The following FGD5 variants were observed in gnomAD, a reference collection of about 807,000 sequenced individuals.
The protein encoded by FGD5 is FYVE, RhoGEF and PH domain-containing protein 5.
Under a neutral mutation model 133.4 loss-of-function variants are expected in FGD5, and 28 were observed. The ratio of observed to expected loss-of-function variants is 0.21; its 90% CI spans 0.16 to 0.29. The LOEUF (loss-of-function observed/expected upper bound fraction) is 0.29, where lower values mean the gene tolerates loss of function less well. FGD5 is among the 10% of genes least tolerant of loss of function. The probability of loss-of-function intolerance (pLI) is 1.00; values close to 1 mark genes in which losing one functional copy is unlikely to be tolerated. For missense variants in FGD5, 1,858 were observed against 1,895.2 expected (o/e 0.98, Z 0.36); for synonymous variants, 810 against 776.5 (o/e 1.04, Z -0.72).
In FGD5 at chr3:14,820,564, C is replaced by G. The variant is rs761726543; in HGVS notation, c.1493C>G (p.Pro498Arg). ...KVAGYVPETV[P>R]EETGPEAGSS... ...GCCGGCTATGTCCCAGAAACCGTCC[C>G]TGAAGAAACCGGACCTGAGGCGGGC... Residue 498 changes from proline to arginine, a missense_variant, in exon 1 of 20, where the codon CCT (proline) becomes CGT (arginine). By Grantham distance (103) the Pro-to-Arg change is moderately radical. Coordinates refer to ENST00000285046, the MANE Select transcript of FGD5 (RefSeq NM_152536.4). 1 of 1,612,136 alleles carries G rather than the reference C, an allele frequency of 6.2e-7. No individual in the cohort carries two copies. Among genetic ancestry groups the G allele is most frequent in the South Asian group, 1.1e-5 (1 of 90,892 alleles).
chr3:14,862,211 T>C (rs2037412895), intron 1 of FGD5, among the ~76,000 whole-genome samples: 1 of 152,182 alleles, frequency 6.6e-6, no homozygotes, highest in African/African-American at 2.4e-5. Context: ...GCATCCCTCA[T>C]CCTTACTGCT....
intron 7 of FGD5, among the ~76,000 whole-genome samples, chr3:14,899,645 G>T (rs293909): frequency 0.047 from 7,152 of 152,300 alleles, 283 homozygotes; most frequent in East Asian, 0.2. Context: ...TCCCATGCTG[G>T]ATGCTGGAGA....
chr3:14,817,086 A>C (rs73814182), upstream of FGD5, among the ~76,000 whole-genome samples: 7,089 of 152,344 alleles, frequency 0.047, 549 homozygotes, highest in African/African-American at 0.16. Context: ...TGGGACACTT[A>C]GTATGAAAAA....
Position 14,922,919 on chromosome 3 carries a change from C to A in FGD5, c.3808-127C>A. 7.4e-7 allele frequency: 1 copy of A among 1,347,620 alleles called. No homozygotes were observed. The highest frequency in any genetic ancestry group is 1.0e-6 in the Non-Finnish European group (1 of 966,180). 83.5% of individuals were successfully genotyped at this position (1,347,620 alleles called of 1,614,324 possible). ...GAAAAGTAGGGGACACGCACAGCTC[C>A]ATGATCAGAACCTGGGGCTCCCTAG... On this transcript the variant is annotated intron_variant, in intron 15 of 19. Coordinates refer to ENST00000285046, the MANE Select transcript of FGD5 (RefSeq NM_152536.4). This position sits in a 1 kb window ranked among gnomAD's most constrained non-coding sequence, Gnocchi z 4.1.
chr3:14,820,224 G>A lies in FGD5; in HGVS notation c.1153G>A (p.Glu385Lys). The A allele has an allele frequency of 6.2e-7, 1 of 1,608,854 alleles. No homozygotes were observed. Among genetic ancestry groups the A allele is most frequent in the Non-Finnish European group, 8.5e-7 (1 of 1,176,742 alleles). Residue 385 changes from glutamate (E) to lysine (K), a missense_variant, in exon 1 of 20, where the codon GAG becomes AAG. Glu to Lys is a moderately conservative substitution (Grantham distance 56). Around this residue, in one of 3 missense-constraint regions of FGD5, gnomAD observed 1,824 missense variants for 1,848.9 expected, o/e 0.99. Coordinates refer to ENST00000285046, the MANE Select transcript of FGD5 (RefSeq NM_152536.4). The stretch of plus-strand genomic sequence containing the variant: ...GGCACCAAAGCTGGGGCTGCGTGCG[G>A]AGGAGAACCCCATGGTGGGGGCTTT... ...EQAPKLGLRA[E>K]ENPMVGALCG... is the part of the protein sequence containing the mutation.
intron 13 of FGD5, 141 bp from the exon 14 acceptor site, chr3:14,921,777 A>T: frequency 1.4e-6 from 1 of 724,210 alleles, no homozygotes; most frequent in Non-Finnish European, 2.4e-6. Flanking sequence ...CTGGCAGGTG[A>T]TCTCTTCTTT....
chr3:14,859,419 A>C lies in FGD5; in HGVS notation c.2526-4709A>C, dbSNP rs193157041. 5.3e-3 allele frequency among the ~76,000 whole-genome samples: 808 copies of C among 152,186 alleles called. 4 individuals carry two copies. The highest frequency in any genetic ancestry group is 9.5e-3 in the Non-Finnish European group (646 of 67,996). ...TAAAAAATACAAAAATTAGCTGGGC[A>C]TAATGGCTTGCACCTGTAATCCCAG... On this transcript the variant is annotated intron_variant, in intron 1 of 19. Transcript: ENST00000285046.
chr3:14,922,637 C>A lies in FGD5; in HGVS notation c.3807+89C>A. On this transcript the variant is annotated intron_variant, in intron 15 of 19. Transcript: ENST00000285046. The surrounding 1 kb of genome is among the most constrained non-coding windows in gnomAD (Gnocchi z 4.1). Reference sequence around the variant, plus strand: ...GCCCAGCCGGGGGCTCAGGGATGTCCAGCAGCTACTGTAAGCCCCAGAGTG... The same window carrying A: ...GCCCAGCCGGGGGCTCAGGGATGTCAAGCAGCTACTGTAAGCCCCAGAGTG... The A allele has an allele frequency of 6.7e-7, 1 of 1,488,620 alleles. No homozygotes were observed. The highest frequency in any genetic ancestry group is 9.0e-7 in the Non-Finnish European group (1 of 1,114,224). The allele number at this position is 1,488,620 out of a possible 1,614,324, so 92.2% of individuals were successfully genotyped here. A position where few individuals can be genotyped will look rare whatever the true frequency, so the allele number is the denominator to read the frequency against.
At chr3:14,880,458 T>A in intron 2 of FGD5, 114 bp from the exon 3 acceptor site, 1 of 816,372 alleles carries the variant, frequency 1.2e-6, no homozygotes, top group East Asian at 2.7e-5. Context: ...ATACAAGTAA[T>A]GAGTGCCAGG....
chr3:14,880,644 G>T lies in FGD5; in HGVS notation c.2717+14G>T. ...TTCAGAGAAAGCGTGAGTCCCCAAG[G>T]AGCTGCCTGTGGCCTTGAGCTTATA... On this transcript the variant is annotated intron_variant, in intron 3 of 19. Coordinates refer to ENST00000285046, the MANE Select transcript of FGD5 (RefSeq NM_152536.4). 1 of 1,613,994 alleles carries T rather than the reference G, an allele frequency of 6.2e-7. No individual in the cohort carries two copies. Among genetic ancestry groups the T allele is most frequent in the Non-Finnish European group, 8.5e-7 (1 of 1,179,888 alleles).
chr3:14,907,447 G>A (rs890672701), intron 9 of FGD5, among the ~76,000 whole-genome samples, 193 bp from the exon 10 acceptor site: 1 of 152,232 alleles, frequency 6.6e-6, no homozygotes, highest in African/African-American at 2.4e-5. Flanking sequence ...ACAGCACATA[G>A]AGCCATGGTG....
At chr3:14,883,027 G>C (rs1281949414) in intron 4 of FGD5, among the ~76,000 whole-genome samples, 1 of 152,160 alleles carries the variant, frequency 6.6e-6, no homozygotes, top group Non-Finnish European at 1.5e-5. Flanking sequence ...CAGCAGGAAG[G>C]GTCCTGGGTT....
intron 1 of FGD5, among the ~76,000 whole-genome samples, chr3:14,849,021 G>C (rs1411939501): frequency 6.6e-6 from 1 of 152,222 alleles, no homozygotes; most frequent in Non-Finnish European, 1.5e-5. Context: ...TTCTGTGTTT[G>C]GAGTAGAGGA....
chr3:14,869,731 T>C (rs1017040790), intron 2 of FGD5, among the ~76,000 whole-genome samples: 2 of 152,234 alleles, frequency 1.3e-5, no homozygotes, highest in Non-Finnish European at 2.9e-5. Context: ...CTTAGCATAA[T>C]GTCCTCAAGG....
In FGD5 at chr3:14,897,553, T is replaced by C. The variant is rs755447648; in HGVS notation, c.2793T>C (p.His931=). 6.2e-7 allele frequency: 1 copy of C among 1,605,908 alleles called. No homozygotes were observed. Among genetic ancestry groups the C allele is most frequent in the South Asian group, 1.1e-5 (1 of 89,028 alleles). ...AVMRALDDMD[H]EGRDTLAREE... is the part of the protein sequence containing the mutation. ...TGAGGGCCTTGGATGACATGGACCATGAAGGCAGAGACACATTGGCCCGGG... is the reference window on the plus strand; with the variant it reads ...TGAGGGCCTTGGATGACATGGACCACGAAGGCAGAGACACATTGGCCCGGG... Residue 931 remains histidine, a synonymous_variant, in exon 5 of 20, where the codon CAT becomes CAC. Transcript: ENST00000285046.
chr3:14,870,195 G>A (rs527579010), intron 2 of FGD5, among the ~76,000 whole-genome samples: 1 of 152,350 alleles, frequency 6.6e-6, no homozygotes, highest in South Asian at 2.1e-4. Flanking sequence ...GAGCCTTCCA[G>A]GCAGAGGAGA....
chr3:14,816,314 C>T (rs1339790792), upstream of FGD5, among the ~76,000 whole-genome samples: 1 of 152,162 alleles, frequency 6.6e-6, no homozygotes, highest in East Asian at 1.9e-4. Flanking sequence ...CCAATGCCTG[C>T]CACCCAATGT....
At chr3:14,912,386 G>T (rs1459582589) in intron 11 of FGD5, among the ~76,000 whole-genome samples, 4 of 152,194 alleles carry the variant, frequency 2.6e-5, no homozygotes, top group African/African-American at 9.7e-5. Flanking sequence ...GGTCGGTTCT[G>T]CAGTGGGCGA....
intron 1 of FGD5, among the ~76,000 whole-genome samples, chr3:14,836,428 G>C (rs908350532): frequency 6.6e-6 from 1 of 152,194 alleles, no homozygotes; most frequent in Admixed American, 6.5e-5. Flanking sequence ...CTCAGCCTCT[G>C]GGGTGAGGAG....
Sources: allele counts gnomAD v4.1 joint callset (sites outside exome capture counted in the v4.1 genomes callset), GRCh38; gene constraint gnomAD v4.1.1; regional missense constraint gnomAD v4.1.1; non-coding constraint Gnocchi (gnomAD v3.1); transcripts MANE v1.5; gene names NCBI Gene and HGNC (gene_info 2026-07-23, HGNC 2026-07-21).